Variants in MTHFD1L observed in about 807,000 individuals in gnomAD.
MTHFD1L encodes the protein monofunctional C1-tetrahydrofolate synthase, mitochondrial.
A neutral mutation model predicts 119.5 loss-of-function variants in MTHFD1L; 81 were observed. The ratio of observed to expected loss-of-function variants is 0.68; its 90% confidence interval spans 0.57 to 0.82. The LOEUF is 0.82. Ranked by LOEUF, MTHFD1L falls within the 40% of genes least tolerant of loss-of-function variation. The probability of loss-of-function intolerance (pLI) is 0.00; values close to 1 mark genes in which losing one functional copy is unlikely to be tolerated. For missense variants in MTHFD1L, 1,125 were observed against 1,253.4 expected (o/e 0.90, Z 1.55); for synonymous variants, 430 against 475.2 (o/e 0.90, Z 1.24).
intron 22 of MTHFD1L, among the ~76,000 whole-genome samples, chr6:151,014,432 A>G (rs754184822): frequency 2.8e-4 from 42 of 152,246 alleles, no homozygotes; most frequent in Non-Finnish European, 5.1e-4. Flanking sequence ...TGGAAGGTCT[A>G]TATACAGTTG....
intron 20 of MTHFD1L, among the ~76,000 whole-genome samples, chr6:150,994,097 G>GAAGAAAGAAAGAAAGAAAGAAAGAA (rs61147935): frequency 7.7e-6 from 1 of 129,156 alleles, no homozygotes; most frequent in African/African-American, 3.7e-5. Flanking sequence ...AAGAAAGAAA[G>GAAGAAAGAAAGAAAGAAAGAAAGAA]TGACCCAGCA....
Position 150,926,041 on chromosome 6 carries a change from G to C in MTHFD1L, c.1083-81G>C. 1 of 1,238,706 alleles carries C rather than the reference G, an allele frequency of 8.1e-7. No individual in the cohort carries two copies. The highest frequency in any genetic ancestry group is 1.1e-6 in the Non-Finnish European group (1 of 887,890). 76.7% of individuals were successfully genotyped at this position (1,238,706 alleles called of 1,614,324 possible). A position where few individuals can be genotyped will look rare whatever the true frequency, so the allele number is the denominator to read the frequency against. ...ATTGCATTGATTTCATCGTTGGCGT[G>C]ATGTGTGGCTGTTTTCACTCCAGTT... On this transcript the variant is annotated intron_variant, in intron 10 of 27. Coordinates refer to ENST00000367321, the MANE Select transcript of MTHFD1L (RefSeq NM_015440.5). The surrounding 1 kb of genome is among the most constrained non-coding windows in gnomAD (Gnocchi z 4.3).
intron 24 of MTHFD1L, among the ~76,000 whole-genome samples, chr6:151,024,121 A>G (rs1784323231): frequency 6.6e-6 from 1 of 152,054 alleles, no homozygotes; most frequent in South Asian, 2.1e-4. Flanking sequence ...TTAATAAAGT[A>G]CAAGGGCTCC....
At chr6:151,003,567 C>T (rs572878290) in intron 20 of MTHFD1L, among the ~76,000 whole-genome samples, 1 of 151,978 alleles carries the variant, frequency 6.6e-6, no homozygotes, top group Non-Finnish European at 1.5e-5. Context: ...GAAAGACGTT[C>T]TTTTTCACTA....
intron 20 of MTHFD1L, among the ~76,000 whole-genome samples, chr6:150,974,724 C>CTTTTTTTT (rs58490721): frequency 4.8e-5 from 7 of 144,614 alleles, no homozygotes; most frequent in Non-Finnish European, 6.1e-5. Context: ...AATTCTCTTC[C>CTTTTTTTT]TTTTTTTTTT....
intron 26 of MTHFD1L, 30 bp downstream of exon 26, chr6:151,037,147 C>T (rs1174705162): frequency 2.5e-6 from 4 of 1,610,580 alleles, no homozygotes; most frequent in South Asian, 1.1e-5. Context: ...CAAAAACCCT[C>T]CCCATTCTGC....
chr6:150,994,838 T>C (rs1779605482), intron 20 of MTHFD1L, among the ~76,000 whole-genome samples: 1 of 152,218 alleles, frequency 6.6e-6, no homozygotes. Context: ...CATCGTTACA[T>C]TGCAGATAAA....
chr6:151,063,742 G>A (rs1007093734), intron 26 of MTHFD1L, among the ~76,000 whole-genome samples: 12 of 152,150 alleles, frequency 7.9e-5, no homozygotes, highest in African/African-American at 2.9e-4. Flanking sequence ...ACTGTTAAGG[G>A]AATGTAAGAA....
intron 26 of MTHFD1L, among the ~76,000 whole-genome samples, chr6:151,063,424 C>T (rs117471910): frequency 6.6e-6 from 1 of 152,156 alleles, no homozygotes. Flanking sequence ...CGTTTGTCAT[C>T]TAAATGGTCT....
At chr6:150,935,513 C>T in intron 11 of MTHFD1L, 1 of 1,568,898 alleles carries the variant, frequency 6.4e-7, no homozygotes, top group Non-Finnish European at 8.6e-7. Flanking sequence ...TGAGAAACTA[C>T]ATGATATGAT....
At chr6:150,947,270 T>A (rs1359836874) in intron 15 of MTHFD1L, among the ~76,000 whole-genome samples, 2 of 150,866 alleles carry the variant, frequency 1.3e-5, no homozygotes, top group East Asian at 4.2e-4. Flanking sequence ...ATTTTTTGTA[T>A]TTTTAGTAGA....
chr6:151,040,120 A>G (rs1158405074), intron 26 of MTHFD1L, among the ~76,000 whole-genome samples: 1 of 152,140 alleles, frequency 6.6e-6, no homozygotes, highest in Non-Finnish European at 1.5e-5. Flanking sequence ...CAAACAGAGC[A>G]TGAAATGGTA....
At chr6:150,997,241 G>A (rs1477699483) in intron 20 of MTHFD1L, among the ~76,000 whole-genome samples, 2 of 152,226 alleles carry the variant, frequency 1.3e-5, no homozygotes, top group Non-Finnish European at 2.9e-5. Context: ...GCCGATGAGT[G>A]CACTGCTGGT....
At chr6:150,993,864 C>T (rs1004839816) in intron 20 of MTHFD1L, among the ~76,000 whole-genome samples, 1 of 151,876 alleles carries the variant, frequency 6.6e-6, no homozygotes, top group Admixed American at 6.6e-5. Context: ...AAGCAAGTCT[C>T]ACCTCTTCTA....
chr6:151,033,930 C>T (rs1785720494), intron 24 of MTHFD1L, among the ~76,000 whole-genome samples: 1 of 152,094 alleles, frequency 6.6e-6, no homozygotes, highest in Admixed American at 6.6e-5. Flanking sequence ...AATCCCAGTA[C>T]TTTGGGAGGC....
chr6:150,973,055 C>G (rs1776003541), intron 20 of MTHFD1L, among the ~76,000 whole-genome samples: 3 of 152,216 alleles, frequency 2.0e-5, no homozygotes. Context: ...CTTAATCTGA[C>G]ATATGAGGGA....
At chr6:151,049,112 T>A (rs1229693058) in intron 26 of MTHFD1L, among the ~76,000 whole-genome samples, 1 of 152,138 alleles carries the variant, frequency 6.6e-6, no homozygotes, top group African/African-American at 2.4e-5. Context: ...TGCCAACACT[T>A]TGGGAGACCA....
chr6:150,877,265 C>T (rs1049640387), intron 2 of MTHFD1L, among the ~76,000 whole-genome samples: 5 of 152,166 alleles, frequency 3.3e-5, no homozygotes, highest in Admixed American at 1.3e-4. Context: ...GTTGCCCAGG[C>T]TGGTCTCGAA....
rs186739086 is a variant in MTHFD1L at position 150,944,959 on chromosome 6, T to C, written c.1548+366T>C. 4.2e-4 allele frequency among the ~76,000 whole-genome samples: 64 copies of C among 152,246 alleles called. 1 individual carries two copies. The highest frequency in any genetic ancestry group is 3.5e-3 in the Admixed American group (54 of 15,284). ...TGGACAGATGTCGTTTTAAGACTAA[T>C]GTTATGTGGAGCTATTTTAGATGTG... is the stretch of plus-strand genomic sequence containing the variant. On this transcript the variant is annotated intron_variant, in intron 14 of 27. Coordinates refer to ENST00000367321, the MANE Select transcript of MTHFD1L (RefSeq NM_015440.5).
Sources: allele counts gnomAD v4.1 joint callset (sites outside exome capture counted in the v4.1 genomes callset), GRCh38; gene constraint gnomAD v4.1.1; non-coding constraint Gnocchi (gnomAD v3.1); transcripts MANE v1.5; gene names NCBI Gene and HGNC (gene_info 2026-07-23, HGNC 2026-07-21).